BTN1A1: variants seen among roughly 807,000 people sequenced by gnomAD.
The protein encoded by BTN1A1 is butyrophilin subfamily 1 member A1.
Under a neutral mutation model 33.1 loss-of-function variants are expected in BTN1A1, and 26 were observed. The observed-to-expected ratio is 0.79, with a 90% CI of 0.58 to 1.09. BTN1A1 has a LOEUF of 1.09. Among genes scored for constraint, BTN1A1 ranks in the 50% least tolerant of loss-of-function variants. The pLI is 0.00. For synonymous variants in BTN1A1, 235 were observed against 256.2 expected (o/e 0.92, Z 0.79); for missense variants, 558 against 655.7 (o/e 0.85, Z 1.63).
intron 4 of BTN1A1, among the ~76,000 whole-genome samples, chr6:26,505,510 C>T (rs1232459854): frequency 1.3e-5 from 2 of 152,168 alleles, no homozygotes; most frequent in African/African-American, 2.4e-5. Flanking sequence ...CTGCAAGCTC[C>T]GCTTCCCAGG....
chr6:26,508,001 CAG>C, intron 6 of BTN1A1, 31 bp downstream of exon 6: 7 of 1,613,690 alleles, frequency 4.3e-6, no homozygotes, highest in Non-Finnish European at 5.1e-6. Flanking sequence ...ATTTCACCCA[CAG>C]AGTTTTCTCT....
At chr6:26,502,731 G>A (rs902035669) in intron 3 of BTN1A1, among the ~76,000 whole-genome samples, 18 of 152,174 alleles carry the variant, frequency 1.2e-4, no homozygotes, top group Middle Eastern at 6.8e-3. Flanking sequence ...TATGGCTGTG[G>A]TGAGCATACC....
Position 26,508,822 on chromosome 6 carries a change from G to T in BTN1A1, c.1229G>T (p.Arg410Leu), listed in dbSNP as rs765523860. The T allele has an allele frequency of 6.2e-7, 1 of 1,614,032 alleles. No homozygotes were observed. The highest frequency in any genetic ancestry group is 2.2e-5 in the East Asian group (1 of 44,892). ...GGGTACTGGGCCCTCACTCCTCTCC[G>T]GACCCCTCTCCCATTGGCAGGGCCC... ...GNGYWALTPL[R>L]TPLPLAGPPR... Residue 410 changes from arginine (R) to leucine (L), a missense_variant, in exon 8 of 8, where the codon CGG becomes CTG. Arg to Leu is a moderately radical substitution (Grantham distance 102). Transcript: ENST00000684113.
intron 5 of BTN1A1, among the ~76,000 whole-genome samples, chr6:26,507,512 G>A (rs567614152): frequency 1.3e-5 from 2 of 152,198 alleles, no homozygotes; most frequent in Admixed American, 1.3e-4. Flanking sequence ...GAACACATGA[G>A]GCCAGGAGTT....
Position 26,509,117 on chromosome 6 carries a change from T to A in BTN1A1, c.1524T>A (p.Asp508Glu). ...SPMGEDSAPR[D>E]ADTLHSKLIP... ...TGGGGGAGGACTCTGCCCCTAGGGA[T>A]GCAGACACTCTCCATTCTAAGCTAA... Residue 508 changes from aspartate (D) to glutamate (E), a missense_variant, in exon 8 of 8, where the codon GAT (aspartate) becomes GAA (glutamate). By Grantham distance (45) the Asp-to-Glu change is conservative. Coordinates refer to ENST00000684113, the MANE Select transcript of BTN1A1 (RefSeq NM_001732.3). The A allele has an allele frequency of 2.5e-6, 4 of 1,613,912 alleles. No individual in the cohort carries two copies. Among genetic ancestry groups the A allele is most frequent in the Non-Finnish European group, 3.4e-6 (4 of 1,179,880 alleles).
Position 26,510,026 on chromosome 6 carries a change from A to G in BTN1A1, c.*852A>G, listed in dbSNP as rs1763922388. 6.6e-6 allele frequency: 1 copy of G among 152,586 alleles called. No individual in the cohort carries two copies. Among genetic ancestry groups the G allele is most frequent in the Non-Finnish European group, 1.5e-5 (1 of 68,060 alleles). The allele number at this position is 152,586 out of a possible 1,614,324, so 9.5% of individuals were successfully genotyped here. A position where few individuals can be genotyped will look rare whatever the true frequency, so the allele number is the denominator to read the frequency against. ...TATAGCATCTCTCTATTTCAAAGACATTCCTAGAAGTCATCCTTCAGTGAT... is the reference window on the plus strand; with the variant it reads ...TATAGCATCTCTCTATTTCAAAGACGTTCCTAGAAGTCATCCTTCAGTGAT... On this transcript the variant is annotated 3_prime_UTR_variant, in exon 8 of 8. Coordinates refer to ENST00000684113, the MANE Select transcript of BTN1A1 (RefSeq NM_001732.3).
intron 3 of BTN1A1, among the ~76,000 whole-genome samples, chr6:26,502,595 T>C (rs947755323): frequency 6.6e-6 from 1 of 152,226 alleles, no homozygotes; most frequent in Non-Finnish European, 1.5e-5. Context: ...GGGTAAGCAT[T>C]TCTTCATGAA....
rs767935680 is a variant in BTN1A1 at position 26,506,739 on chromosome 6, G to A, written c.766G>A (p.Val256Ile). ...WIVAVAVILM[V>I]LGLLTIGSIF... ...AGTGGCTGTGGCTGTCATCCTGATG[G>A]TTCTAGGACTTCTCACCATTGGGTC... The change falls in exon 5 of 8, where the codon GTT becomes ATT. Residue 256 changes from valine to isoleucine, a missense_variant. Val to Ile is a conservative substitution (Grantham distance 29, BLOSUM62 3). Transcript: ENST00000684113. 6.2e-7 allele frequency: 1 copy of A among 1,613,922 alleles called. No individual in the cohort carries two copies. The highest frequency in any genetic ancestry group is 1.1e-5 in the South Asian group (1 of 91,066).
Position 26,509,893 on chromosome 6 carries a change from T to A in BTN1A1, c.*719T>A, listed in dbSNP as rs1763920786. 6.6e-6 allele frequency: 1 copy of A among 152,252 alleles called. No homozygotes were observed. The highest frequency in any genetic ancestry group is 1.5e-5 in the Non-Finnish European group (1 of 68,052). The allele number at this position is 152,252 out of a possible 1,614,324, so 9.4% of individuals were successfully genotyped here. A position where few individuals can be genotyped will look rare whatever the true frequency, so the allele number is the denominator to read the frequency against. On this transcript the variant is annotated 3_prime_UTR_variant, in exon 8 of 8. Transcript: ENST00000684113. ...TCAAAAGTTGTTTGCACAGCTGTTC[T>A]TTGTACCCTGTTCCTTTCTCTGCGC...
intron 3 of BTN1A1, among the ~76,000 whole-genome samples, chr6:26,504,090 T>C (rs1763840312): frequency 6.6e-6 from 1 of 152,178 alleles, no homozygotes; most frequent in Non-Finnish European, 1.5e-5. Context: ...TTTATGTTTA[T>C]ATATAACAGG....
At chr6:26,507,030 G>A (rs180971339) in intron 5 of BTN1A1, among the ~76,000 whole-genome samples, 198 bp downstream of exon 5, 1 of 152,222 alleles carries the variant, frequency 6.6e-6, no homozygotes, top group East Asian at 1.9e-4. Context: ...AGATCAGCCC[G>A]GCCAACATGG....
rs1263158109 is a variant in BTN1A1 at position 26,508,784 on chromosome 6, G to A, written c.1191G>A (p.Glu397=). Residue 397 remains glutamate (E), a synonymous_variant, in exon 8 of 8, where the codon GAG becomes GAA. Coordinates refer to ENST00000684113, the MANE Select transcript of BTN1A1 (RefSeq NM_001732.3). The part of the protein sequence containing the change: ...MTPENGFWAV[E]LYGNGYWALT... ...CTGAGAATGGGTTCTGGGCTGTAGAGTTGTATGGAAATGGGTACTGGGCCC... is the reference window on the plus strand; with the variant it reads ...CTGAGAATGGGTTCTGGGCTGTAGAATTGTATGGAAATGGGTACTGGGCCC... 1 of 1,614,178 alleles carries A rather than the reference G, an allele frequency of 6.2e-7. No homozygotes were observed. The highest frequency in any genetic ancestry group is 8.5e-7 in the Non-Finnish European group (1 of 1,180,028).
rs41267931 is a variant in BTN1A1 at position 26,508,062 on chromosome 6, A to G, written c.882A>G (p.Lys294=). The change falls in exon 7 of 8, where the codon AAA becomes AAG. Residue 294 remains lysine (K), a splice_region_variant and synonymous_variant. Transcript: ENST00000684113. ...GACTATCTTTCTCTTTTGTTGCAGA[A>G]TGGAAAAAGGCTACCTTGCATGCAG... The part of the protein sequence containing the change: ...SSKERLLEEL[K]WKKATLHAVD... 3.1e-3 allele frequency: 4,946 copies of G among 1,612,900 alleles called. 10 individuals carry two copies. Among genetic ancestry groups the G allele is most frequent in the Non-Finnish European group, 3.7e-3 (4,365 of 1,179,660 alleles).
At position 26,509,125 on chromosome 6, in the gene BTN1A1, C is replaced by T. The variant is rs761041907; in HGVS notation, c.1532C>T (p.Thr511Ile). The change falls in exon 8 of 8, where the codon ACT (threonine) becomes ATT (isoleucine). Residue 511 changes from threonine (T) to isoleucine (I), a missense_variant. Physicochemically the swap from Thr to Ile is moderately conservative, Grantham distance 89. Transcript: ENST00000684113. ...GEDSAPRDAD[T>I]LHSKLIPTQP... ...GACTCTGCCCCTAGGGATGCAGACA[C>T]TCTCCATTCTAAGCTAATCCCTACC... 1.9e-6 allele frequency: 3 copies of T among 1,613,968 alleles called. No individual in the cohort carries two copies. The highest frequency in any genetic ancestry group is 8.5e-7 in the Non-Finnish European group (1 of 1,179,928).
chr6:26,507,721 T>TTAAAAA (rs10661702), intron 5 of BTN1A1, among the ~76,000 whole-genome samples: 6 of 147,942 alleles, frequency 4.1e-5, no homozygotes, highest in Admixed American at 6.8e-5. Context: ...TGAGATTCTA[T>TTAAAAA]AAAAAAAAAA....
rs140924304 is a variant in BTN1A1, at chr6:26,506,801, C to G, written c.828C>G (p.Pro276=). ...FFTWRLYNER[P]RERRNEFSSK... ...CTTGGAGACTATACAACGAAAGACC[C>G]AGAGAGAGGAGGAATGAATTCAGCT... Residue 276 remains proline (P), a synonymous_variant, in exon 5 of 8, where the codon CCC becomes CCG. Coordinates refer to ENST00000684113, the MANE Select transcript of BTN1A1 (RefSeq NM_001732.3). 1 of 1,613,908 alleles carries G rather than the reference C, an allele frequency of 6.2e-7. No homozygotes were observed. The highest frequency in any genetic ancestry group is 1.3e-5 in the African/African-American group (1 of 74,870).
In BTN1A1 at chr6:26,501,925, C is replaced by T. The variant is rs1325545112; in HGVS notation, c.415C>T (p.Leu139=). The change falls in exon 3 of 8, where the codon CTG becomes TTG. Residue 139 remains leucine, a synonymous_variant. Coordinates refer to ENST00000684113, the MANE Select transcript of BTN1A1 (RefSeq NM_001732.3). This position sits in a 1 kb window ranked among gnomAD's most constrained non-coding sequence, Gnocchi z 5.2. ...DGSYEEALVH[L]KVAALGSDPH... is the part of the protein sequence containing the mutation. ...AAGCTACGAAGAAGCCCTGGTGCAT[C>T]TGAAGGTGGCTGGTGAGTAGACGGG... 2.6e-6 allele frequency: 4 copies of T among 1,568,464 alleles called. No homozygotes were observed. The highest frequency in any genetic ancestry group is 1.8e-5 in the Admixed American group (1 of 55,700).
rs972165404 is a variant in BTN1A1, at chr6:26,502,926, C to T, written c.427+989C>T. Among the ~76,000 whole-genome samples the T allele has an allele frequency of 3.3e-5, 5 of 152,268 alleles. No homozygotes were observed. The South Asian group carries it at 8.3e-4, about 25-fold the overall frequency. ...ATAATAAGCTTTGAGGAGGAAAGTA[C>T]GCATTGAGGTCTGACTTTCTCAATT... is the stretch of plus-strand genomic sequence containing the variant. On this transcript the variant is annotated intron_variant, in intron 3 of 7. Coordinates refer to ENST00000684113, the MANE Select transcript of BTN1A1 (RefSeq NM_001732.3).
intron 3 of BTN1A1, 121 bp downstream of exon 3, chr6:26,502,058 G>T: frequency 7.5e-7 from 1 of 1,341,684 alleles, no homozygotes; most frequent in Non-Finnish European, 9.6e-7. Flanking sequence ...TGATGTCGCC[G>T]GGGAGGGACG....
Sources: allele counts gnomAD v4.1 joint callset (sites outside exome capture counted in the v4.1 genomes callset), GRCh38; gene constraint gnomAD v4.1.1; non-coding constraint Gnocchi (gnomAD v3.1); transcripts MANE v1.5; gene names NCBI Gene and HGNC (gene_info 2026-07-23, HGNC 2026-07-21).